Variants in MTCL2 observed in about 807,000 individuals in gnomAD.
MTCL2 encodes microtubule crosslinking factor 2.
chr20:36,841,075 C>T, the MTCL2 span, among the ~76,000 whole-genome samples: 11 of 138,912 alleles, frequency 7.9e-5, no homozygotes, highest in Non-Finnish European at 1.4e-4. Context: ...TTTGGGAGGC[C>T]GAGGTGGGTG....
At chr20:36,860,996 G>C in the MTCL2 span, among the ~76,000 whole-genome samples, 1 of 152,210 alleles carries the variant, frequency 6.6e-6, no homozygotes, top group Non-Finnish European at 1.5e-5. Context: ...GTCAGAGCCT[G>C]ATGACTTCCT....
At chr20:36,793,309 G>T in the MTCL2 span, 1 of 1,551,804 alleles carries the variant, frequency 6.4e-7, no homozygotes. The surrounding 1 kb of genome is among the most constrained non-coding windows in gnomAD (Gnocchi z 6.8). Context: ...TCCCCACCTG[G>T]GGGAGCATGG....
the MTCL2 span, among the ~76,000 whole-genome samples, chr20:36,850,581 C>G: frequency 6.6e-6 from 1 of 151,984 alleles, no homozygotes; most frequent in African/African-American, 2.4e-5. Flanking sequence ...CCTGACTGTC[C>G]CAGGGCACAG....
the MTCL2 span, among the ~76,000 whole-genome samples, chr20:36,797,250 C>G: frequency 6.6e-6 from 1 of 152,158 alleles, no homozygotes; most frequent in African/African-American, 2.4e-5. Flanking sequence ...CACTGCTCAG[C>G]TGGTGGTGGG....
the MTCL2 span, among the ~76,000 whole-genome samples, chr20:36,800,017 C>T: frequency 6.6e-6 from 1 of 152,210 alleles, no homozygotes; most frequent in African/African-American, 2.4e-5. Flanking sequence ...TTCCCACCAG[C>T]CACTCTGTTG....
At chr20:36,797,674 A>T in the MTCL2 span, 1 of 1,112,990 alleles carries the variant, frequency 9.0e-7, no homozygotes, top group Non-Finnish European at 1.3e-6. Context: ...TGCAGCCCAC[A>T]GAACCTACAT....
the MTCL2 span, chr20:36,777,754 A>T: frequency 1.7e-6 from 1 of 586,272 alleles, no homozygotes. Flanking sequence ...CCAGGAAACC[A>T]GGCTGAGTGG....
chr20:36,839,497 G>C, the MTCL2 span: 1 of 1,531,142 alleles, frequency 6.5e-7, no homozygotes, highest in African/African-American at 1.4e-5. This position sits in a 1 kb window ranked among gnomAD's most constrained non-coding sequence, Gnocchi z 5.1. Flanking sequence ...CTAGGAGGCC[G>C]GAGTACTGGC....
At chr20:36,808,672 C>G in the MTCL2 span, 2 of 1,611,782 alleles carry the variant, frequency 1.2e-6, no homozygotes, top group Admixed American at 1.7e-5. Context: ...TCTGCTCCAG[C>G]CTCCGCTGGA....
the MTCL2 span, among the ~76,000 whole-genome samples, chr20:36,799,093 C>T: frequency 6.6e-6 from 1 of 152,106 alleles, no homozygotes; most frequent in African/African-American, 2.4e-5. Context: ...TGGCAGCTCA[C>T]AACTATAATC....
chr20:36,805,731 C>T, the MTCL2 span: 1 of 827,852 alleles, frequency 1.2e-6, no homozygotes, highest in African/African-American at 1.7e-5. Flanking sequence ...CTGGGATGAC[C>T]AGGCAATAAC....
At chr20:36,838,052 GT>G in the MTCL2 span, among the ~76,000 whole-genome samples, 71 of 139,662 alleles carry the variant, frequency 5.1e-4, no homozygotes, top group Admixed American at 9.2e-4. Flanking sequence ...ACTTCTCTTT[GT>G]TTTTTTTTTT....
chr20:36,861,163 A>C, the MTCL2 span, among the ~76,000 whole-genome samples: 2 of 152,216 alleles, frequency 1.3e-5, no homozygotes, highest in African/African-American at 4.8e-5. Flanking sequence ...ACTCACTGGA[A>C]GCAGCTCAGA....
At chr20:36,857,198 C>G in the MTCL2 span, among the ~76,000 whole-genome samples, 1 of 152,124 alleles carries the variant, frequency 6.6e-6, no homozygotes, top group Non-Finnish European at 1.5e-5. Flanking sequence ...TCTGATAAGT[C>G]TGAGTGTGTC....
chr20:36,801,810 A>G, the MTCL2 span, among the ~76,000 whole-genome samples: 4 of 148,034 alleles, frequency 2.7e-5, no homozygotes, highest in African/African-American at 5.0e-5. Flanking sequence ...ACTAAAAATA[A>G]AAAATTAGCC....
At chr20:36,863,456 T>G in the MTCL2 span, 4 of 720,322 alleles carry the variant, frequency 5.6e-6, no homozygotes, top group Admixed American at 2.1e-4. This position sits in a 1 kb window ranked among gnomAD's most constrained non-coding sequence, Gnocchi z 6.2. Context: ...GCGGCTGCTC[T>G]CGGCCCACCT....
the MTCL2 span, among the ~76,000 whole-genome samples, chr20:36,798,532 C>T: frequency 6.6e-6 from 1 of 152,218 alleles, no homozygotes; most frequent in Non-Finnish European, 1.5e-5. Context: ...TCTGTACCAT[C>T]TGACACTACA....
the MTCL2 span, chr20:36,794,100 A>C: frequency 6.4e-7 from 1 of 1,551,436 alleles, no homozygotes. The surrounding 1 kb of genome is among the most constrained non-coding windows in gnomAD (Gnocchi z 5.4). Flanking sequence ...GCCGCTGGGA[A>C]GCCAGGCCCG....
the MTCL2 span, chr20:36,812,781 C>T: frequency 6.2e-7 from 1 of 1,613,864 alleles, no homozygotes. Context: ...GAGTCCAAGT[C>T]ACCAGTGCGG....
Sources: gnomAD v4.1 joint callset for allele counts (sites outside exome capture counted in the v4.1 genomes callset) on GRCh38, gnomAD v4.1.1 for gene constraint, Gnocchi (gnomAD v3.1) non-coding constraint, MANE v1.5 for transcripts, NCBI Gene and HGNC (gene_info 2026-07-23, HGNC 2026-07-21) for gene names.